Variants in GATA4 observed in about 807,000 individuals in gnomAD.
GATA4 encodes GATA binding protein 4.
GATA4 carries 7 observed loss-of-function variants against 37.9 expected under a neutral mutation model. The observed-to-expected ratio is 0.18, with a 90% confidence interval of 0.11 to 0.35. GATA4 has a LOEUF of 0.35. GATA4 is among the 10% of genes least tolerant of loss of function. The probability of loss-of-function intolerance (pLI) is 1.00; values close to 1 mark genes in which losing one functional copy is unlikely to be tolerated. For synonymous variants in GATA4, 372 were observed against 292.6 expected, an observed-to-expected ratio of 1.27 and a Z score of -2.77; for missense variants, 647 against 653.0, an observed-to-expected ratio of 0.99 and a Z score of 0.10.
chr8:11,686,569 C>T (rs1250158232), intron 1 of GATA4, among the ~76,000 whole-genome samples: 4 of 152,146 alleles, frequency 2.6e-5, no homozygotes, highest in South Asian at 4.1e-4. Context: ...CAAGCAAGGC[C>T]GAGACAGGCA....
chr8:11,679,242 C>T (rs536365654), intron 1 of GATA4, among the ~76,000 whole-genome samples: 8 of 151,654 alleles, frequency 5.3e-5, no homozygotes, highest in Admixed American at 4.6e-4. Flanking sequence ...ATGTCAGTGG[C>T]CCTGAAGGCC....
At chr8:11,698,778 T>G (rs1461803570) in intron 1 of GATA4, among the ~76,000 whole-genome samples, 1 of 152,140 alleles carries the variant, frequency 6.6e-6, no homozygotes, top group East Asian at 1.9e-4. Context: ...AAGTCCCTTC[T>G]TCCTGCAGTC....
rs138683493 is a variant in GATA4, at chr8:11,709,589, C to A, written c.616+661C>A. Among the ~76,000 whole-genome samples the A allele has an allele frequency of 0.053, 7,318 of 138,406 alleles. 325 individuals are homozygous for A. Among genetic ancestry groups the A allele is most frequent in the South Asian group, 0.12 (497 of 4,314 alleles). 90.8% of individuals were successfully genotyped at this position (138,406 alleles called of 152,430 possible). ...CATGCGGGCAGCGGGGGGGGGGGCG[C>A]ACACGCCCGGTCAGTGTCCGGGAAC... On this transcript the variant is annotated intron_variant, in intron 2 of 6. Coordinates refer to ENST00000532059, the MANE Select transcript of GATA4 (RefSeq NM_001308093.3). The surrounding 1 kb of genome is among the most constrained non-coding windows in gnomAD (Gnocchi z 4.3).
intron 5 of GATA4, among the ~76,000 whole-genome samples, chr8:11,756,228 C>G (rs1802561010): frequency 6.6e-6 from 1 of 152,184 alleles, no homozygotes. Context: ...GCCCTTTCCA[C>G]TACCAAGAAC....
At chr8:11,704,184 G>A (rs1368619222), upstream of GATA4, 1 of 152,270 alleles carries the variant, frequency 6.6e-6, no homozygotes, top group Non-Finnish European at 1.5e-5. Context: ...GCTGGGCCGG[G>A]GACCCGAGCC....
chr8:11,741,530 A>T (rs1801739889), intron 2 of GATA4, among the ~76,000 whole-genome samples: 1 of 152,130 alleles, frequency 6.6e-6, no homozygotes, highest in Non-Finnish European at 1.5e-5. Context: ...AACAGTCCAC[A>T]AGTTCGCGGA....
chr8:11,742,384 G>GTTT (rs71521636), intron 2 of GATA4, among the ~76,000 whole-genome samples: 30 of 68,472 alleles, frequency 4.4e-4, no homozygotes, highest in Admixed American at 2.1e-3. Context: ...TTGGTGTTTT[G>GTTT]TTTTTTTTTT....
intron 1 of GATA4, chr8:11,681,139 G>C (rs1012406909): frequency 1.0e-6 from 1 of 985,356 alleles, no homozygotes; most frequent in Non-Finnish European, 1.2e-6. Flanking sequence ...CGAGCCCAGG[G>C]AATCTCCAGC....
chr8:11,754,640 C>A (rs1427865926), intron 4 of GATA4, among the ~76,000 whole-genome samples: 5 of 152,202 alleles, frequency 3.3e-5, no homozygotes. Context: ...TCAGGTGTCA[C>A]CTCCACACTG....
At chr8:11,699,362 T>A (rs2130015209), upstream of GATA4, among the ~76,000 whole-genome samples, 1 of 152,212 alleles carries the variant, frequency 6.6e-6, no homozygotes, top group Admixed American at 6.5e-5. Context: ...GCCCCATATG[T>A]GAAAGAATTG....
At chr8:11,714,295 C>T (rs1221206236) in intron 2 of GATA4, among the ~76,000 whole-genome samples, 1 of 152,062 alleles carries the variant, frequency 6.6e-6, no homozygotes, top group Admixed American at 6.6e-5. Context: ...GTTATTCAAA[C>T]AATTTATTTA....
intron 2 of GATA4, among the ~76,000 whole-genome samples, chr8:11,737,748 G>C (rs187120866): frequency 1.3e-5 from 2 of 152,166 alleles, no homozygotes; most frequent in African/African-American, 4.8e-5. Context: ...TGCTTTTGTA[G>C]GAAAGGAAGG....
At position 11,708,491 on chromosome 8, in the gene GATA4, G is replaced by C. The variant is rs1451316561; in HGVS notation, c.179G>C (p.Gly60Ala). 6.7e-7 allele frequency: 1 copy of C among 1,494,674 alleles called. No homozygotes were observed. Among genetic ancestry groups the C allele is most frequent in the Non-Finnish European group, 8.9e-7 (1 of 1,129,324 alleles). The allele number at this position is 1,494,674 out of a possible 1,614,324, so 92.6% of individuals were successfully genotyped here. The change falls in exon 2 of 7, where the codon GGC becomes GCC. Residue 60 changes from glycine (G) to alanine (A), a missense_variant. Transcript: ENST00000532059. This position sits in a 1 kb window ranked among gnomAD's most constrained non-coding sequence, Gnocchi z 6.7. Reference protein sequence around the residue: ...GLSYLQGGGAGSASGGASGGS... With the variant: ...GLSYLQGGGAASASGGASGGS... The stretch of plus-strand genomic sequence containing the variant: ...TCCTACCTCCAGGGCGGAGGCGCGG[G>C]CTCTGCGTCCGGAGGCGCCTCGGGC...
At chr8:11,677,009 A>C (rs982192969) in exon 1 of GATA4, 5 of 152,256 alleles carry the variant, frequency 3.3e-5, no homozygotes, top group African/African-American at 1.2e-4. Context: ...CCCTGTGCAG[A>C]GTTTGCCTCA....
At chr8:11,711,747 CAAAAAAAAAAAAAAA>C (rs71205018) in intron 2 of GATA4, among the ~76,000 whole-genome samples, 2 of 56,862 alleles carry the variant, frequency 3.5e-5, no homozygotes, top group South Asian at 1.4e-3. Flanking sequence ...GACCCTCTCT[CAAAAAAAAAAAAAAA>C]AAAAAAAAAA....
intron 1 of GATA4, among the ~76,000 whole-genome samples, chr8:11,682,553 C>T (rs1799004585): frequency 2.0e-5 from 3 of 152,246 alleles, no homozygotes; most frequent in South Asian, 4.1e-4. Context: ...CAAGATTTTG[C>T]TTGTAAGAAG....
intron 1 of GATA4, among the ~76,000 whole-genome samples, chr8:11,693,678 C>A: frequency 6.6e-6 from 1 of 151,924 alleles, no homozygotes; most frequent in Non-Finnish European, 1.5e-5. Flanking sequence ...TGCCTGAGGC[C>A]ACACCAGGAG....
At chr8:11,737,776 T>A (rs1396100022) in intron 2 of GATA4, among the ~76,000 whole-genome samples, 1 of 152,178 alleles carries the variant, frequency 6.6e-6, no homozygotes, top group East Asian at 1.9e-4. Context: ...AAAGATGCTT[T>A]TATGGAAAAA....
At chr8:11,693,094 T>G (rs2129985529) in intron 1 of GATA4, 2 of 980,236 alleles carry the variant, frequency 2.0e-6, no homozygotes, top group Non-Finnish European at 2.4e-6. Flanking sequence ...ATACATGGCT[T>G]TATTCCACTT....
Sources: gnomAD v4.1 joint callset for allele counts (sites outside exome capture counted in the v4.1 genomes callset) on GRCh38, gnomAD v4.1.1 for gene constraint, Gnocchi (gnomAD v3.1) non-coding constraint, MANE v1.5 for transcripts, NCBI Gene and HGNC (gene_info 2026-07-23, HGNC 2026-07-21) for gene names.